The following CTTNBP2NL variants were observed in gnomAD, a reference collection of about 807,000 sequenced individuals.
CTTNBP2NL encodes the protein CTTNBP2 N-terminal like, also known as CTTNBP2 N-terminal-like protein.
A neutral mutation model predicts 32.5 loss-of-function variants in CTTNBP2NL; 16 were observed. The ratio of observed to expected loss-of-function variants is 0.49; its 90% CI spans 0.33 to 0.75. The LOEUF is 0.75. Among genes scored for constraint, CTTNBP2NL ranks in the 30% least tolerant of loss-of-function variants. The pLI is 0.02. For missense variants in CTTNBP2NL, 645 were observed against 756.0 expected, an observed-to-expected ratio of 0.85 and a Z score of 1.72; for synonymous variants, 298 against 289.4, an observed-to-expected ratio of 1.03 and a Z score of -0.30.
rs552996822 is a variant in CTTNBP2NL at position 112,430,546 on chromosome 1, CTTTTTT to C, written c.99+14301_99+14306del. Among the ~76,000 whole-genome samples the C allele has an allele frequency of 9.0e-4, 72 of 80,444 alleles. 1 individual carries two copies. Among genetic ancestry groups the C allele is most frequent in the South Asian group, 3.8e-3 (9 of 2,340 alleles). The allele number at this position is 80,444 out of a possible 152,430, so 52.8% of individuals were successfully genotyped here. ...AGCCACCGCACCAGGCCATAGCTAGCTTTTTTTTTTTTTTTTTTTTTTTTGAGACAG... is the reference window on the plus strand; with the variant it reads ...AGCCACCGCACCAGGCCATAGCTAGCTTTTTTTTTTTTTTTTTTGAGACAG... On this transcript the variant is annotated intron_variant, in intron 3 of 5. Transcript: ENST00000271277.
intron 3 of CTTNBP2NL, among the ~76,000 whole-genome samples, chr1:112,437,518 T>A (rs6695155): frequency 6.7e-6 from 1 of 149,212 alleles, no homozygotes; most frequent in South Asian, 2.1e-4. Flanking sequence ...AGTTCCTTTG[T>A]TTTTTTTTGT....
At position 112,412,331 on chromosome 1, in the gene CTTNBP2NL, C is replaced by T. The variant is rs1648896330; in HGVS notation, c.-10+14C>T. ...GCCGATTATCAGGTCAGTATCACCC[C>T]TACCTCCAAGGATATCACTGCTATC... On this transcript the variant is annotated intron_variant, in intron 2 of 5. Coordinates refer to ENST00000271277, the MANE Select transcript of CTTNBP2NL (RefSeq NM_018704.3). The T allele has an allele frequency of 6.6e-6, 1 of 152,168 alleles. No homozygotes were observed. The highest frequency in any genetic ancestry group is 6.5e-5 in the Admixed American group (1 of 15,274). The allele number at this position is 152,168 out of a possible 1,614,324, so 9.4% of individuals were successfully genotyped here.
intron 3 of CTTNBP2NL, among the ~76,000 whole-genome samples, chr1:112,432,708 A>G (rs1649603862): frequency 1.3e-5 from 2 of 150,228 alleles, no homozygotes; most frequent in African/African-American, 4.9e-5. Flanking sequence ...TAATACTACT[A>G]CTTATTTTTG....
chr1:112,427,857 C>G (rs1200832518), intron 3 of CTTNBP2NL, among the ~76,000 whole-genome samples: 6 of 148,642 alleles, frequency 4.0e-5, no homozygotes, highest in African/African-American at 1.5e-4. Context: ...GATCGCGCCA[C>G]TGCACCCCAG....
At chr1:112,416,434 T>G in intron 3 of CTTNBP2NL, 170 bp downstream of exon 3, 1 of 515,806 alleles carries the variant, frequency 1.9e-6, no homozygotes, top group South Asian at 2.8e-5. Context: ...GGGACACTGG[T>G]GAAACCTTTC....
At chr1:112,399,647 C>T (rs1648437056) in intron 1 of CTTNBP2NL, among the ~76,000 whole-genome samples, 2 of 152,078 alleles carry the variant, frequency 1.3e-5, no homozygotes, top group Non-Finnish European at 2.9e-5. Context: ...TGGGGGTTTC[C>T]ATCTAACTGG....
chr1:112,457,455 C>T lies in CTTNBP2NL; in HGVS notation c.*43C>T, dbSNP rs776250471. On this transcript the variant is annotated 3_prime_UTR_variant, in exon 6 of 6. Transcript: ENST00000271277. ...CCACGTTTGACATTCCATCAGATTT[C>T]GTCCAAAAGCTCAGTCAGACTTCTG... is the stretch of plus-strand genomic sequence containing the variant. 1.2e-5 allele frequency: 18 copies of T among 1,527,508 alleles called. No individual in the cohort carries two copies. The highest frequency in any genetic ancestry group is 1.0e-4 in the South Asian group (8 of 79,100). 94.6% of individuals were successfully genotyped at this position (1,527,508 alleles called of 1,614,324 possible). A position where few individuals can be genotyped will look rare whatever the true frequency, so the allele number is the denominator to read the frequency against.
At chr1:112,453,848 C>T (rs1040596098) in intron 4 of CTTNBP2NL, among the ~76,000 whole-genome samples, 1 of 152,072 alleles carries the variant, frequency 6.6e-6, no homozygotes, top group Non-Finnish European at 1.5e-5. Flanking sequence ...AATAAAAGGG[C>T]GTATGAAAAA....
intron 3 of CTTNBP2NL, among the ~76,000 whole-genome samples, chr1:112,432,554 A>G (rs149875003): frequency 0.02 from 2,998 of 152,068 alleles, 103 homozygotes; most frequent in African/African-American, 0.067. Flanking sequence ...CATCCATTTA[A>G]TAAGACATTC....
intron 3 of CTTNBP2NL, among the ~76,000 whole-genome samples, chr1:112,424,453 G>A (rs1215920709): frequency 2.0e-5 from 3 of 152,170 alleles, no homozygotes; most frequent in South Asian, 4.1e-4. Context: ...AAATCAATTA[G>A]TGTTAGTCCT....
chr1:112,438,468 T>A lies in CTTNBP2NL; in HGVS notation c.100-10474T>A, dbSNP rs1400288717. Among the ~76,000 whole-genome samples, 6 of 152,170 alleles carry A rather than the reference T, an allele frequency of 3.9e-5. No individual in the cohort carries two copies. In the East Asian group the frequency reaches 9.6e-4, roughly 24 times the overall value. ...GCTGAGACCATGGGGTTTTTCTGTA[T>A]TCTATATTTCTATATCTATTCTAGA... On this transcript the variant is annotated intron_variant, in intron 3 of 5. Coordinates refer to ENST00000271277, the MANE Select transcript of CTTNBP2NL (RefSeq NM_018704.3).
intron 4 of CTTNBP2NL, among the ~76,000 whole-genome samples, chr1:112,449,451 C>T (rs1207450678): frequency 6.7e-6 from 1 of 150,128 alleles, no homozygotes; most frequent in Non-Finnish European, 1.5e-5. Context: ...AGTTCTTGAT[C>T]ATTCAAACTT....
At chr1:112,431,904 A>C (rs984176196) in intron 3 of CTTNBP2NL, among the ~76,000 whole-genome samples, 4 of 152,110 alleles carry the variant, frequency 2.6e-5, no homozygotes, top group Admixed American at 1.3e-4. Flanking sequence ...GTTTGAGACC[A>C]GCCTGGGAAA....
intron 3 of CTTNBP2NL, among the ~76,000 whole-genome samples, chr1:112,421,311 T>TTTTCC (rs71081234): frequency 2.0e-5 from 1 of 50,668 alleles, no homozygotes; most frequent in Non-Finnish European, 4.0e-5. Context: ...ATTTCTTTTC[T>TTTTCC]TTTTTTTTTT....
intron 3 of CTTNBP2NL, among the ~76,000 whole-genome samples, chr1:112,422,385 CT>C (rs1649258494): frequency 6.6e-6 from 1 of 152,168 alleles, no homozygotes; most frequent in Admixed American, 6.5e-5. Context: ...GTTTTATCCA[CT>C]TATCTGTTGA....
rs548378990 is a variant in CTTNBP2NL at position 112,427,712 on chromosome 1, G to A, written c.99+11448G>A. 2.3e-3 allele frequency among the ~76,000 whole-genome samples: 345 copies of A among 152,154 alleles called. 2 individuals carry two copies. Among genetic ancestry groups the A allele is most frequent in the African/African-American group, 7.8e-3 (323 of 41,532 alleles). ...AGATCGAGACCATCCTGGCTGACACGGTGAAACCCCGTCTCTATTAAAAAT... is the reference window on the plus strand; with the variant it reads ...AGATCGAGACCATCCTGGCTGACACAGTGAAACCCCGTCTCTATTAAAAAT... On this transcript the variant is annotated intron_variant, in intron 3 of 5. Transcript: ENST00000271277.
chr1:112,391,566 T>C (rs1324330303), upstream of CTTNBP2NL, among the ~76,000 whole-genome samples: 1 of 152,130 alleles, frequency 6.6e-6, no homozygotes. Flanking sequence ...AACCACCTGG[T>C]CTTGTAGACA....
intron 1 of CTTNBP2NL, among the ~76,000 whole-genome samples, chr1:112,406,753 T>G (rs1419746538): frequency 6.6e-6 from 1 of 152,242 alleles, no homozygotes; most frequent in Non-Finnish European, 1.5e-5. Flanking sequence ...TTGCTGATAG[T>G]ATATCATAAT....
In CTTNBP2NL at chr1:112,439,576, A is replaced by AC. The variant is rs530293315; in HGVS notation, c.100-9364dup. 4.6e-5 allele frequency among the ~76,000 whole-genome samples: 7 copies of AC among 152,322 alleles called. No homozygotes were observed. The South Asian group carries it at 1.4e-3, about 32-fold the overall frequency. Reference sequence around the variant, plus strand: ...TACTGAGCTCTTTTAAAATATATTAACCTTGAAGTTTTCGGCACTGTCTGT... The same window carrying AC: ...TACTGAGCTCTTTTAAAATATATTAACCCTTGAAGTTTTCGGCACTGTCTGT... On this transcript the variant is annotated intron_variant, in intron 3 of 5. Coordinates refer to ENST00000271277, the MANE Select transcript of CTTNBP2NL (RefSeq NM_018704.3).
Sources: gnomAD v4.1 joint callset for allele counts (sites outside exome capture counted in the v4.1 genomes callset) on GRCh38, gnomAD v4.1.1 for gene constraint, MANE v1.5 for transcripts, NCBI Gene and HGNC (gene_info 2026-07-23, HGNC 2026-07-21) for gene names.